The following PPP2R3B variants were observed in gnomAD, a reference collection of about 807,000 sequenced individuals.
PPP2R3B encodes the protein protein phosphatase 2 regulatory subunit B''beta.
In PPP2R3B, 68 loss-of-function variants were observed where a neutral mutation model predicts 72.9. The observed-to-expected ratio is 0.93, with a 90% CI of 0.77 to 1.14. PPP2R3B has a LOEUF of 1.14. PPP2R3B is among the 50% of genes most tolerant of loss of function. PPP2R3B has a pLI of 0.00. For synonymous variants in PPP2R3B, 466 were observed against 375.8 expected (o/e 1.24, Z -2.78); for missense variants, 1,018 against 842.0 (o/e 1.21, Z -2.59).
intron 1 of PPP2R3B, 145 bp from the exon 2 acceptor site, chrX:361,735 G>A (rs770733475): frequency 4.0e-4 from 350 of 872,200 alleles, no homozygotes; most frequent in Non-Finnish European, 5.5e-4. Flanking sequence ...CAATCCCTGC[G>A]GGGGACCACA....
At chrX:360,558 A>C (rs2071518290) in intron 2 of PPP2R3B, among the ~76,000 whole-genome samples, 1 of 152,076 alleles carries the variant, frequency 6.6e-6, no homozygotes, top group African/African-American at 2.4e-5. Context: ...AAAAAACAAA[A>C]ACCTGCTCAC....
At chrX:366,791 A>T (rs1285469531) in intron 1 of PPP2R3B, among the ~76,000 whole-genome samples, 1 of 115,204 alleles carries the variant, frequency 8.7e-6, no homozygotes, top group Non-Finnish European at 1.8e-5. Context: ...TCAACACAGG[A>T]GGCAGAGGTT....
intron 2 of PPP2R3B, among the ~76,000 whole-genome samples, chrX:355,422 A>T (rs1000657753): frequency 5.3e-5 from 8 of 152,222 alleles, no homozygotes; most frequent in African/African-American, 1.9e-4. Context: ...TTCCAAGTTC[A>T]TCTGGAGTCA....
intron 1 of PPP2R3B, among the ~76,000 whole-genome samples, chrX:368,512 T>G (rs1427424184): frequency 9.8e-6 from 1 of 102,294 alleles, no homozygotes; most frequent in Non-Finnish European, 1.9e-5. Context: ...CCACCCACCT[T>G]GGGCACCGAC....
intron 1 of PPP2R3B, among the ~76,000 whole-genome samples, chrX:377,747 T>C (rs753552364): frequency 8.3e-6 from 1 of 120,498 alleles, no homozygotes; most frequent in Non-Finnish European, 1.7e-5. Context: ...GGGGCCACCA[T>C]GGGGCTGTCT....
intron 12 of PPP2R3B, chrX:335,820 C>T (rs187129971): frequency 1.3e-5 from 2 of 152,152 alleles, no homozygotes; most frequent in African/African-American, 4.8e-5. Context: ...CAGGAAATAC[C>T]AACAATAACC....
At chrX:379,559 G>A (rs111782264) in intron 1 of PPP2R3B, among the ~76,000 whole-genome samples, 1,927 of 152,316 alleles carry the variant, frequency 0.013, 44 homozygotes, top group African/African-American at 0.045. Context: ...CTGGCACCCG[G>A]TCTGATAAAA....
chrX:363,718 A>AC (rs2071614790), intron 1 of PPP2R3B, among the ~76,000 whole-genome samples: 7 of 151,888 alleles, frequency 4.6e-5, no homozygotes, highest in African/African-American at 9.7e-5. Context: ...TCCCGAGCCC[A>AC]CAACGCATTC....
rs752544845 is a variant in PPP2R3B at position 347,706 on chromosome X, G to C, written c.511-13C>G. 3.3e-5 allele frequency: 49 copies of C among 1,506,460 alleles called. No individual in the cohort carries two copies. The East Asian group carries it at 1.1e-3, about 34-fold the overall frequency. 93.3% of individuals were successfully genotyped at this position (1,506,460 alleles called of 1,614,324 possible). On this transcript the variant is annotated splice_polypyrimidine_tract_variant and intron_variant, in intron 2 of 12. Coordinates refer to ENST00000390665, the MANE Select transcript of PPP2R3B (RefSeq NM_013239.5). ...GGCAGCCGCAGGCCTGGGGCAGAGA[G>C]GGCAGGAGTGGGCAGTCAGCAGGGC...
At chrX:338,982 G>A (rs1235589536) in intron 10 of PPP2R3B, 86 bp from the exon 11 acceptor site, 12 of 1,112,850 alleles carry the variant, frequency 1.1e-5, no homozygotes, top group Admixed American at 1.7e-5. Flanking sequence ...CCTGTCACAC[G>A]TGCTTAAGGA....
chrX:366,882 A>C (rs1292383261), intron 1 of PPP2R3B, among the ~76,000 whole-genome samples: 2 of 144,824 alleles, frequency 1.4e-5, no homozygotes, highest in Non-Finnish European at 3.0e-5. Context: ...CAAACGATTA[A>C]CCAGGTGTGG....
In PPP2R3B at chrX:346,265, G is replaced by A. The variant is rs753889347; in HGVS notation, c.793-5C>T. On this transcript the variant is annotated splice_polypyrimidine_tract_variant and splice_region_variant and intron_variant, in intron 5 of 12. Coordinates refer to ENST00000390665, the MANE Select transcript of PPP2R3B (RefSeq NM_013239.5). ...GTAGAAGATCCGCTGGATGACCTGCGGGGGCGCTGTCAGTGCGGTGGGTGC... is the reference window on the plus strand; with the variant it reads ...GTAGAAGATCCGCTGGATGACCTGCAGGGGCGCTGTCAGTGCGGTGGGTGC... 2 of 1,562,754 alleles carry A rather than the reference G, an allele frequency of 1.3e-6. No individual in the cohort carries two copies. Among genetic ancestry groups the A allele is most frequent in the Non-Finnish European group, 1.7e-6 (2 of 1,155,498 alleles).
chrX:346,622 C>G, intron 5 of PPP2R3B, 79 bp downstream of exon 5: 1 of 1,389,920 alleles, frequency 7.2e-7, no homozygotes, highest in Non-Finnish European at 9.9e-7. Flanking sequence ...CCGCCCCGTC[C>G]GCAGAAGCCC....
chrX:346,076 G>C, intron 6 of PPP2R3B, 98 bp downstream of exon 6: 1 of 499,058 alleles, frequency 2.0e-6, no homozygotes, highest in South Asian at 1.9e-5. Context: ...AGAGGGGGTG[G>C]GAGGGGAGGA....
chrX:346,571 G>A (rs1230624302), intron 5 of PPP2R3B, 130 bp downstream of exon 5: 74 of 880,128 alleles, frequency 8.4e-5, no homozygotes, highest in Non-Finnish European at 1.1e-4. Flanking sequence ...CTCCCAGAGC[G>A]CGGCCGCCTC....
At position 350,009 on chromosome X, in the gene PPP2R3B, C is replaced by T. The variant is rs914610927; in HGVS notation, c.511-2316G>A. Among the ~76,000 whole-genome samples, 16 of 152,142 alleles carry T rather than the reference C, an allele frequency of 1.1e-4. 1 individual carries two copies. The highest frequency in any genetic ancestry group is 6.5e-4 in the Admixed American group (10 of 15,278). On this transcript the variant is annotated intron_variant, in intron 2 of 12. Transcript: ENST00000390665. Reference sequence around the variant, plus strand: ...GTTGTTTTGGGGTTTGTAGTATACACGGACAGGCTCATGTGAAAACTTACC... The same window carrying T: ...GTTGTTTTGGGGTTTGTAGTATACATGGACAGGCTCATGTGAAAACTTACC...
chrX:379,037 G>T (rs867497884), intron 1 of PPP2R3B, among the ~76,000 whole-genome samples: 1 of 149,270 alleles, frequency 6.7e-6, no homozygotes, highest in Non-Finnish European at 1.5e-5. Flanking sequence ...ACCTGTGTGT[G>T]TGTATGCACC....
chrX:361,395 T>C lies in PPP2R3B; in HGVS notation c.510+10A>G. The C allele has an allele frequency of 6.2e-7, 1 of 1,613,844 alleles. No individual in the cohort carries two copies. The highest frequency in any genetic ancestry group is 1.1e-5 in the South Asian group (1 of 91,072). On this transcript the variant is annotated intron_variant, in intron 2 of 12. Transcript: ENST00000390665. ...CCTCGGCTGCTCCACGTCCCACGCG[T>C]GACACGTACCTTGGCCACCAGGCCC...
chrX:355,652 T>C (rs1254829378), intron 2 of PPP2R3B, among the ~76,000 whole-genome samples: 1 of 152,134 alleles, frequency 6.6e-6, no homozygotes, highest in Admixed American at 6.5e-5. Flanking sequence ...CACAAACGTC[T>C]CCGAGTTCTG....
Sources: gnomAD v4.1 joint callset for allele counts (sites outside exome capture counted in the v4.1 genomes callset) on GRCh38, gnomAD v4.1.1 for gene constraint, MANE v1.5 for transcripts, NCBI Gene and HGNC (gene_info 2026-07-23, HGNC 2026-07-21) for gene names.